The following JPH2 variants were observed in gnomAD, a reference collection of about 807,000 sequenced individuals.
JPH2 encodes the protein junctophilin-2.
Under a neutral mutation model 55.9 loss-of-function variants are expected in JPH2, and 38 were observed. The observed-to-expected ratio is 0.68, with a 90% confidence interval of 0.52 to 0.89. The LOEUF (loss-of-function observed/expected upper bound fraction) is 0.89, where lower values mean the gene tolerates loss of function less well. Ranked by LOEUF, JPH2 falls within the 40% of genes least tolerant of loss-of-function variation. JPH2 has a pLI of 0.00. For missense variants in JPH2, 964 were observed against 1,037.6 expected (o/e 0.93, Z 0.97); for synonymous variants, 480 against 472.4 (o/e 1.02, Z -0.21).
intron 1 of JPH2, among the ~76,000 whole-genome samples, chr20:44,176,317 TC>T (rs1235177541): frequency 8.5e-6 from 1 of 117,206 alleles, no homozygotes; most frequent in Admixed American, 9.6e-5. Context: ...ATCCTATCTG[TC>T]TTTTTTTTTT....
At chr20:44,129,751 T>A (rs2072304042) in intron 2 of JPH2, among the ~76,000 whole-genome samples, 1 of 152,054 alleles carries the variant, frequency 6.6e-6, no homozygotes. Context: ...TTGAGATAGA[T>A]CATCCTGGAT....
At chr20:44,151,789 C>T (rs970835987) in intron 2 of JPH2, among the ~76,000 whole-genome samples, 1 of 152,204 alleles carries the variant, frequency 6.6e-6, no homozygotes, top group African/African-American at 2.4e-5. Flanking sequence ...CCTTCTCGGC[C>T]TCATCTCTAA....
intron 2 of JPH2, 95 bp from the exon 3 acceptor site, chr20:44,118,718 G>A: frequency 1.0e-6 from 1 of 980,824 alleles, no homozygotes; most frequent in Non-Finnish European, 1.6e-6. Flanking sequence ...GCTAAACACA[G>A]CATTCTTTCA....
At chr20:44,183,519 G>T (rs2072804460) in intron 1 of JPH2, among the ~76,000 whole-genome samples, 1 of 152,164 alleles carries the variant, frequency 6.6e-6, no homozygotes, top group South Asian at 2.1e-4. Context: ...AATCTATCCT[G>T]CATCTGAGGC....
chr20:44,150,834 T>G (rs553436160), intron 2 of JPH2, among the ~76,000 whole-genome samples: 117 of 152,220 alleles, frequency 7.7e-4, no homozygotes, highest in African/African-American at 2.7e-3. Context: ...AAGACTAGCC[T>G]GGGCAACATA....
chr20:44,137,997 A>G (rs1458613937), intron 2 of JPH2, among the ~76,000 whole-genome samples: 1 of 151,878 alleles, frequency 6.6e-6, no homozygotes, highest in Non-Finnish European at 1.5e-5. Context: ...AAGAGAAAAA[A>G]TTTAAAAAGA....
rs2072393368 is a variant in JPH2, at chr20:44,134,849, TATAA to T, written c.1170-16230_1170-16227del. Reference sequence around the variant, plus strand: ...TAAATATACATAAATATATGTTTATTATAAATATATATATAAATATATATATTTA... The same window carrying T: ...TAAATATACATAAATATATGTTTATTATATATATATAAATATATATATTTA... On this transcript the variant is annotated intron_variant, in intron 2 of 5. Coordinates refer to ENST00000372980, the MANE Select transcript of JPH2 (RefSeq NM_020433.5). 6.9e-5 allele frequency among the ~76,000 whole-genome samples: 6 copies of T among 87,224 alleles called. 1 individual carries two copies. In the South Asian group the frequency reaches 1.5e-3, roughly 22 times the overall value. The allele number at this position is 87,224 out of a possible 152,430, so 57.2% of individuals were successfully genotyped here.
chr20:44,121,960 G>A (rs534564133), intron 2 of JPH2, among the ~76,000 whole-genome samples: 30 of 152,264 alleles, frequency 2.0e-4, no homozygotes, highest in African/African-American at 7.2e-4. Context: ...TCACACCATT[G>A]CACTCCAGCC....
chr20:44,129,285 C>T (rs936796505), intron 2 of JPH2, among the ~76,000 whole-genome samples: 3 of 152,056 alleles, frequency 2.0e-5, no homozygotes, highest in Admixed American at 1.3e-4. Context: ...CCGGGCGCGG[C>T]GGCTCACACC....
chr20:44,174,933 A>G (rs979917746), intron 1 of JPH2, among the ~76,000 whole-genome samples: 2 of 152,100 alleles, frequency 1.3e-5, no homozygotes, highest in Non-Finnish European at 2.9e-5. Context: ...GCAGGGGTGG[A>G]GGTTGCGGTG....
chr20:44,138,906 C>T (rs960738061), intron 2 of JPH2, among the ~76,000 whole-genome samples: 8 of 152,156 alleles, frequency 5.3e-5, no homozygotes, highest in African/African-American at 1.7e-4. Context: ...GTGGACACGG[C>T]GCGGCTCAGG....
intron 1 of JPH2, among the ~76,000 whole-genome samples, chr20:44,163,820 G>A (rs1344930559): frequency 6.6e-6 from 1 of 152,166 alleles, no homozygotes; most frequent in African/African-American, 2.4e-5. Context: ...TGTTGGAAAA[G>A]GTCCCTAGTG....
chr20:44,124,812 A>G (rs1365668914), intron 2 of JPH2, among the ~76,000 whole-genome samples: 1 of 151,840 alleles, frequency 6.6e-6, no homozygotes, highest in African/African-American at 2.4e-5. Flanking sequence ...ATGGTTAGAA[A>G]AAAAAAAAAG....
chr20:44,171,841 A>G (rs77793258), intron 1 of JPH2, among the ~76,000 whole-genome samples: 2,409 of 152,288 alleles, frequency 0.016, 78 homozygotes, highest in African/African-American at 0.056. Context: ...TTTGTATTTA[A>G]GTAATTGTTA....
At position 44,127,733 on chromosome 20, in the gene JPH2, C is replaced by T. The variant is rs565566732; in HGVS notation, c.1170-9110G>A. On this transcript the variant is annotated intron_variant, in intron 2 of 5. Transcript: ENST00000372980. ...CTCATCTCCTGACCTCGTGATCCAC[C>T]CGCCTCAGCCTCCCAAAGTGCTGGG... Among the ~76,000 whole-genome samples, 3 of 152,264 alleles carry T rather than the reference C, an allele frequency of 2.0e-5. No homozygotes were observed. The South Asian group carries it at 6.2e-4, about 32-fold the overall frequency.
At chr20:44,140,307 G>A (rs1294734252) in intron 2 of JPH2, among the ~76,000 whole-genome samples, 2 of 152,188 alleles carry the variant, frequency 1.3e-5, no homozygotes, top group African/African-American at 4.8e-5. Context: ...AGCCCAGGGG[G>A]CACCCCAGTT....
chr20:44,134,644 A>AAATAAATAT (rs1349877369), intron 2 of JPH2, among the ~76,000 whole-genome samples: 3,794 of 30,530 alleles, frequency 0.12, 866 homozygotes, highest in Middle Eastern at 0.27. Flanking sequence ...TAAATATATA[A>AAATAAATAT]ATATTTATTA....
chr20:44,138,141 G>C (rs1478866568), intron 2 of JPH2, among the ~76,000 whole-genome samples: 4 of 150,986 alleles, frequency 2.6e-5, no homozygotes, highest in Admixed American at 2.6e-4. Flanking sequence ...CTGAGTAGCG[G>C]GGATTACAGG....
Position 44,115,696 on chromosome 20 carries a change from A to C in JPH2, c.1979T>G (p.Leu660Arg). 1 of 1,613,122 alleles carries C rather than the reference A, an allele frequency of 6.2e-7. No individual in the cohort carries two copies. The highest frequency in any genetic ancestry group is 8.5e-7 in the Non-Finnish European group (1 of 1,180,008). ...CACCTCCACCTCCGCCTCTGCCGCC[A>C]GTGCGGCCTCCTTCCGCGCCTTCTT... ...AKKKARKEAA[L>R]AAEAEVEVEE... The change falls in exon 4 of 6, where the codon CTG becomes CGG. Residue 660 changes from leucine to arginine, a missense_variant. Transcript: ENST00000372980.
Sources: allele counts gnomAD v4.1 joint callset (sites outside exome capture counted in the v4.1 genomes callset), GRCh38; gene constraint gnomAD v4.1.1; transcripts MANE v1.5; gene names NCBI Gene and HGNC (gene_info 2026-07-23, HGNC 2026-07-21).